The following LSAMP variants were observed in gnomAD, a reference collection of about 807,000 sequenced individuals.
LSAMP encodes the protein limbic system associated membrane protein, also known as limbic system-associated membrane protein.
A neutral mutation model predicts 38.6 loss-of-function variants in LSAMP; 7 were observed. The observed-to-expected ratio is 0.18, with a 90% CI of 0.10 to 0.34. The LOEUF is 0.34. Ranked by LOEUF, LSAMP falls within the 10% of genes least tolerant of loss-of-function variation. The probability of loss-of-function intolerance (pLI) is 1.00; values close to 1 mark genes in which losing one functional copy is unlikely to be tolerated. For missense variants in LSAMP, 313 were observed against 420.0 expected, an observed-to-expected ratio of 0.75 and a Z score of 2.23; for synonymous variants, 154 against 166.8, an observed-to-expected ratio of 0.92 and a Z score of 0.59.
intron 1 of LSAMP, among the ~76,000 whole-genome samples, chr3:116,198,290 C>T (rs971808438): frequency 3.3e-5 from 5 of 152,050 alleles, no homozygotes; most frequent in South Asian, 2.1e-4. Flanking sequence ...CTCCAGTGGT[C>T]GGTGACTAAT....
chr3:115,896,819 G>C (rs370889329), intron 3 of LSAMP, among the ~76,000 whole-genome samples: 15 of 152,152 alleles, frequency 9.9e-5, no homozygotes, highest in African/African-American at 3.6e-4. Context: ...CAAATTTGAG[G>C]GAAGAGGGCT....
chr3:115,811,563 AGTGTGT>A (rs72037804), intron 6 of LSAMP, among the ~76,000 whole-genome samples: 23,720 of 150,232 alleles, frequency 0.16, 2,138 homozygotes, highest in Admixed American at 0.22. Flanking sequence ...ATTATGTGTG[AGTGTGT>A]GTGTGTGTGT....
chr3:116,214,913 G>A (rs1204271611), intron 1 of LSAMP, among the ~76,000 whole-genome samples: 2 of 152,136 alleles, frequency 1.3e-5, no homozygotes, highest in East Asian at 1.9e-4. Flanking sequence ...AAATTTCAAT[G>A]AACTGTGACT....
chr3:116,066,912 T>G (rs1201372235), intron 2 of LSAMP, among the ~76,000 whole-genome samples: 1 of 152,212 alleles, frequency 6.6e-6, no homozygotes, highest in Admixed American at 6.5e-5. Context: ...CCCCCATTTT[T>G]TTTTGCAAAT....
intron 1 of LSAMP, among the ~76,000 whole-genome samples, chr3:116,352,404 C>T (rs1279900377): frequency 6.6e-6 from 1 of 152,020 alleles, no homozygotes; most frequent in Non-Finnish European, 1.5e-5. Flanking sequence ...CTCATATGGT[C>T]AGTAGTGCAA....
Position 115,956,062 on chromosome 3 carries a change from G to A in LSAMP, c.514+63453C>T, listed in dbSNP as rs528660185. Among the ~76,000 whole-genome samples, 14 of 152,174 alleles carry A rather than the reference G, an allele frequency of 9.2e-5. No homozygotes were observed. The South Asian group carries it at 2.5e-3, about 27-fold the overall frequency. On this transcript the variant is annotated intron_variant, in intron 3 of 6. Transcript: ENST00000490035. ...AATGTGACTCAGTTCAACTGTAGAC[G>A]ACCATGATTTACCTCTTTGCTCAAA...
At chr3:116,179,334 C>G (rs1710430356) in intron 1 of LSAMP, among the ~76,000 whole-genome samples, 1 of 152,068 alleles carries the variant, frequency 6.6e-6, no homozygotes, top group Non-Finnish European at 1.5e-5. Flanking sequence ...AATTTCTGTA[C>G]TCAAGCACTC....
intron 3 of LSAMP, among the ~76,000 whole-genome samples, chr3:115,912,256 A>G (rs977886770): frequency 6.6e-6 from 1 of 152,194 alleles, no homozygotes; most frequent in African/African-American, 2.4e-5. Context: ...ACTTTTTTCT[A>G]AAAAGTTTTA....
At chr3:116,113,625 C>T (rs1708674882) in intron 1 of LSAMP, among the ~76,000 whole-genome samples, 1 of 151,156 alleles carries the variant, frequency 6.6e-6, no homozygotes, top group Admixed American at 6.6e-5. Flanking sequence ...CGGGGTTTCA[C>T]TGTTTTAGCC....
At chr3:116,121,160 A>G (rs567678713) in intron 1 of LSAMP, among the ~76,000 whole-genome samples, 2 of 152,306 alleles carry the variant, frequency 1.3e-5, no homozygotes, top group East Asian at 1.9e-4. Flanking sequence ...AGAACTTTCT[A>G]CCTAATAATA....
At chr3:116,044,191 G>A (rs1941241256) in intron 2 of LSAMP, among the ~76,000 whole-genome samples, 2 of 152,316 alleles carry the variant, frequency 1.3e-5, no homozygotes, top group South Asian at 4.1e-4. Context: ...GAGAAAGGCT[G>A]CTTTGCTTTC....
chr3:116,217,571 AAGT>A (rs758803059), intron 1 of LSAMP, among the ~76,000 whole-genome samples: 13 of 152,214 alleles, frequency 8.5e-5, no homozygotes, highest in Non-Finnish European at 1.8e-4. Context: ...TTGTGAGAAG[AAGT>A]ACATTGGATT....
intron 2 of LSAMP, among the ~76,000 whole-genome samples, chr3:116,085,618 A>G (rs1049691233): frequency 1.3e-4 from 20 of 152,200 alleles, no homozygotes; most frequent in Admixed American, 9.8e-4. Flanking sequence ...CTCATTCTGC[A>G]ATTATGGCGA....
chr3:116,432,871 A>G (rs558193976), intron 1 of LSAMP, among the ~76,000 whole-genome samples: 2 of 152,298 alleles, frequency 1.3e-5, no homozygotes, highest in South Asian at 4.1e-4. Context: ...ATTAGTGCCA[A>G]AAGAGATAGA....
At chr3:115,971,038 G>C (rs1053684418) in intron 3 of LSAMP, among the ~76,000 whole-genome samples, 1 of 152,124 alleles carries the variant, frequency 6.6e-6, no homozygotes, top group Non-Finnish European at 1.5e-5. Context: ...CTTCTCCAAG[G>C]CATGCCAGGG....
intron 1 of LSAMP, among the ~76,000 whole-genome samples, chr3:116,408,968 G>A (rs568073249): frequency 1.6e-4 from 24 of 152,086 alleles, no homozygotes; most frequent in East Asian, 3.9e-4. Context: ...TTGCTGTTGC[G>A]TCATTGTGCA....
At chr3:116,040,992 C>T (rs1941159133) in intron 2 of LSAMP, among the ~76,000 whole-genome samples, 1 of 152,194 alleles carries the variant, frequency 6.6e-6, no homozygotes, top group African/African-American at 2.4e-5. Flanking sequence ...GGTGTGATTA[C>T]AGCTCACTAT....
intron 1 of LSAMP, among the ~76,000 whole-genome samples, chr3:116,272,944 A>G (rs1018016117): frequency 6.6e-6 from 1 of 152,126 alleles, no homozygotes; most frequent in African/African-American, 2.4e-5. Flanking sequence ...AGAGTCAGGT[A>G]AATTATTTCT....
intron 1 of LSAMP, among the ~76,000 whole-genome samples, chr3:116,292,538 A>C (rs2047281714): frequency 6.6e-6 from 1 of 152,174 alleles, no homozygotes; most frequent in Admixed American, 6.6e-5. Context: ...CACCCAGTGA[A>C]TTTTCCAGGG....
Sources: gnomAD v4.1 joint callset for allele counts (sites outside exome capture counted in the v4.1 genomes callset) on GRCh38, gnomAD v4.1.1 for gene constraint, MANE v1.5 for transcripts, NCBI Gene and HGNC (gene_info 2026-07-23, HGNC 2026-07-21) for gene names.